Variants in NUP58 observed in about 807,000 individuals in gnomAD.
NUP58 encodes nucleoporin 58, also known as nucleoporin p58/p45.
In NUP58, 17 loss-of-function variants were observed where a neutral mutation model predicts 70.1. That is an observed-to-expected ratio of 0.24 (90% CI 0.17 to 0.36). NUP58 has a LOEUF of 0.36. Ranked by LOEUF, NUP58 falls within the 10% of genes least tolerant of loss-of-function variation. NUP58 has a pLI of 1.00. For missense variants in NUP58, 644 were observed against 701.5 expected (o/e 0.92, Z 0.93); for synonymous variants, 275 against 257.6 (o/e 1.07, Z -0.65).
At chr13:25,343,979 T>C (rs1270672581), downstream of NUP58, among the ~76,000 whole-genome samples, 1 of 152,042 alleles carries the variant, frequency 6.6e-6, no homozygotes, top group Non-Finnish European at 1.5e-5. Context: ...TTGTGTGTTT[T>C]AATGTCACAT....
downstream of NUP58, among the ~76,000 whole-genome samples, chr13:25,346,356 CTA>C (rs1349870504): frequency 6.6e-6 from 1 of 152,088 alleles, no homozygotes; most frequent in African/African-American, 2.4e-5. Context: ...CCCAGGCAGT[CTA>C]TGTAGAGTCT....
chr13:25,305,974 C>T (rs923108970), intron 1 of NUP58, among the ~76,000 whole-genome samples: 1 of 152,168 alleles, frequency 6.6e-6, no homozygotes, highest in African/African-American at 2.4e-5. Context: ...GGACATCTTT[C>T]TGCTCCCTTG....
At chr13:25,337,471 C>G (rs1249758309) in intron 14 of NUP58, among the ~76,000 whole-genome samples, 2 of 152,070 alleles carry the variant, frequency 1.3e-5, no homozygotes, top group Admixed American at 1.3e-4. Context: ...TTGAACAGCT[C>G]AACTCATGTC....
At chr13:25,319,509 C>T (rs918537797) in intron 7 of NUP58, among the ~76,000 whole-genome samples, 159 bp downstream of exon 7, 2 of 152,016 alleles carry the variant, frequency 1.3e-5, no homozygotes, top group Non-Finnish European at 2.9e-5. Context: ...GACGTATGTT[C>T]TGGTAAGATA....
chr13:25,316,051 T>C (rs1018691468), intron 6 of NUP58, among the ~76,000 whole-genome samples: 3 of 152,216 alleles, frequency 2.0e-5, no homozygotes, highest in Non-Finnish European at 4.4e-5. Flanking sequence ...AATGCTTGTT[T>C]ATATTTTTGG....
intron 12 of NUP58, among the ~76,000 whole-genome samples, chr13:25,327,872 C>A (rs185554919): frequency 2.4e-4 from 36 of 152,110 alleles, no homozygotes; most frequent in Admixed American, 2.4e-3. Flanking sequence ...TAGGTGGTTT[C>A]TATTTCTTTA....
chr13:25,321,341 A>G (rs1446144769), intron 9 of NUP58, among the ~76,000 whole-genome samples: 2 of 152,186 alleles, frequency 1.3e-5, no homozygotes, highest in East Asian at 3.8e-4. Flanking sequence ...CCAACAAGGT[A>G]GGAATTATTA....
At chr13:25,327,616 C>A in intron 12 of NUP58, 104 bp downstream of exon 12, 568 of 599,660 alleles carry the variant, frequency 9.5e-4, no homozygotes, top group Middle Eastern at 1.3e-3. Flanking sequence ...GCTAAAATTA[C>A]ATATAAGTGA....
rs1173510619 is a variant in NUP58, at chr13:25,307,884, T to C, written c.186T>C (p.Gly62=). 2 of 1,614,134 alleles carry C rather than the reference T, an allele frequency of 1.2e-6. No homozygotes were observed. The highest frequency in any genetic ancestry group is 4.5e-5 in the East Asian group (2 of 44,856). ...TPATTSAPSS[G]FGTGLFGSKP... ...CAACTACATCTGCTCCTTCAAGTGGTTTTGGAACCGGGCTCTTTGGATCTA... is the reference window on the plus strand; with the variant it reads ...CAACTACATCTGCTCCTTCAAGTGGCTTTGGAACCGGGCTCTTTGGATCTA... The change falls in exon 2 of 16, where the codon GGT becomes GGC. Residue 62 remains glycine (G), a synonymous_variant. Transcript: ENST00000381736.
intron 6 of NUP58, among the ~76,000 whole-genome samples, chr13:25,318,076 TC>T (rs1316229223): frequency 6.6e-6 from 1 of 152,002 alleles, no homozygotes; most frequent in Non-Finnish European, 1.5e-5. Context: ...ACGCCTGTAA[TC>T]CCAGCACTTT....
intron 3 of NUP58, among the ~76,000 whole-genome samples, chr13:25,311,021 A>T (rs1019005433): frequency 3.3e-5 from 5 of 152,184 alleles, no homozygotes; most frequent in African/African-American, 9.7e-5. Context: ...ATGTTCTTGT[A>T]TAATCCGATA....
rs764930871 is a variant in NUP58, at chr13:25,309,252, G to C, written c.256G>C (p.Ala86Pro). The C allele has an allele frequency of 1.9e-6, 3 of 1,605,620 alleles. No individual in the cohort carries two copies. The East Asian group carries it at 6.7e-5, about 36-fold the overall frequency. ...ATTTCTCTTTTTGTCCCCAGGAATA[G>C]CAACAACTATAACTACAGGATTAAC... ...FTLGGTNTGI[A>P]TTITTGLTLG... is the part of the protein sequence containing the mutation. Residue 86 changes from alanine (A) to proline (P), a missense_variant, in exon 3 of 16, where the codon GCA becomes CCA. Ala to Pro is a conservative substitution (Grantham distance 27). Transcript: ENST00000381736.
downstream of NUP58, among the ~76,000 whole-genome samples, chr13:25,345,578 G>A (rs1195485090): frequency 5.7e-5 from 1 of 17,520 alleles, no homozygotes; most frequent in Non-Finnish European, 1.8e-3. Flanking sequence ...TGGATGATGG[G>A]GGCGGTGGGG....
intron 5 of NUP58, 148 bp downstream of exon 5, chr13:25,313,899 C>T: frequency 1.8e-6 from 1 of 567,680 alleles, no homozygotes; most frequent in Non-Finnish European, 2.9e-6. Context: ...GGTTTTCATA[C>T]ATAATTGGAT....
At chr13:25,347,670 T>C (rs2032065942) in intron 3 of NUP58, among the ~76,000 whole-genome samples, 1 of 152,202 alleles carries the variant, frequency 6.6e-6, no homozygotes, top group Non-Finnish European at 1.5e-5. Flanking sequence ...TTTCAGGTGT[T>C]TTGTAGTGGG....
At chr13:25,331,326 C>A (rs1273311606) in intron 12 of NUP58, 31 bp from the exon 13 acceptor site, 2 of 1,597,638 alleles carry the variant, frequency 1.3e-6, no homozygotes, top group South Asian at 1.1e-5. Flanking sequence ...TGTGAAACTT[C>A]ATTTAGCCGT....
At chr13:25,305,151 T>TGTTTG (rs1566055115) in intron 1 of NUP58, among the ~76,000 whole-genome samples, 5 of 114,500 alleles carry the variant, frequency 4.4e-5, no homozygotes, top group East Asian at 3.3e-4. Flanking sequence ...TTTTTTTTTT[T>TGTTTG]TTTTTTTTTT....
At position 25,336,912 on chromosome 13, in the gene NUP58, ATT is replaced by A. The variant is rs75002041; in HGVS notation, c.1436-9_1436-8del. ...GGCAAATTTGTTTTTTTTCCCCCCCATTTTTTTTTTTTTTTTATACCAGGGCC... is the reference window on the plus strand; with the variant it reads ...GGCAAATTTGTTTTTTTTCCCCCCCATTTTTTTTTTTTTTATACCAGGGCC... On this transcript the variant is annotated intron_variant, in intron 13 of 15. Transcript: ENST00000381736. 24,870 of 1,202,610 alleles carry A rather than the reference ATT, an allele frequency of 0.021. No homozygotes were observed. Among genetic ancestry groups the A allele is most frequent in the South Asian group, 0.031 (2,011 of 64,030 alleles). The allele number at this position is 1,202,610 out of a possible 1,614,324, so 74.5% of individuals were successfully genotyped here.
intron 3 of NUP58, among the ~76,000 whole-genome samples, chr13:25,312,540 G>A (rs752689805): frequency 6.6e-6 from 1 of 152,084 alleles, no homozygotes; most frequent in Non-Finnish European, 1.5e-5. Context: ...GCTAATTTTT[G>A]TATTTTAGCT....
Sources: allele counts gnomAD v4.1 joint callset (sites outside exome capture counted in the v4.1 genomes callset), GRCh38; gene constraint gnomAD v4.1.1; transcripts MANE v1.5; gene names NCBI Gene and HGNC (gene_info 2026-07-23, HGNC 2026-07-21).